The following FAF1 variants were observed in gnomAD, a reference collection of about 807,000 sequenced individuals.
The protein encoded by FAF1 is FAS-associated factor 1.
Under a neutral mutation model 92.5 loss-of-function variants are expected in FAF1, and 25 were observed. The ratio of observed to expected loss-of-function variants is 0.27; its 90% confidence interval spans 0.20 to 0.38. FAF1 has a LOEUF of 0.38. FAF1 is among the 10% of genes least tolerant of loss of function. The probability of loss-of-function intolerance (pLI) is 1.00; values close to 1 mark genes in which losing one functional copy is unlikely to be tolerated. For missense variants in FAF1, 636 were observed against 793.3 expected (o/e 0.80, Z 2.38); for synonymous variants, 234 against 273.2 (o/e 0.86, Z 1.42).
chr1:50,888,151 G>C (rs985972880), intron 1 of FAF1, among the ~76,000 whole-genome samples: 15 of 152,182 alleles, frequency 9.9e-5, no homozygotes, highest in Non-Finnish European at 1.8e-4. Context: ...TTGTGAATGG[G>C]AGTTCACTCA....
chr1:50,549,555 G>A (rs1250363607), intron 13 of FAF1, among the ~76,000 whole-genome samples: 7 of 151,826 alleles, frequency 4.6e-5, no homozygotes, highest in Non-Finnish European at 7.4e-5. Context: ...TGAGGTGGGC[G>A]GACCACGAGG....
chr1:50,684,659 T>A (rs556387407), intron 7 of FAF1, among the ~76,000 whole-genome samples: 1 of 152,286 alleles, frequency 6.6e-6, no homozygotes, highest in East Asian at 1.9e-4. Context: ...CTTTGTCAGA[T>A]TCACAAAATT....
chr1:50,610,658 ACTG>A (rs1205587906), intron 8 of FAF1, among the ~76,000 whole-genome samples: 2 of 152,154 alleles, frequency 1.3e-5, no homozygotes, highest in Non-Finnish European at 2.9e-5. Flanking sequence ...TGAGATAATT[ACTG>A]CTGACAGCTT....
intron 9 of FAF1, among the ~76,000 whole-genome samples, chr1:50,592,001 G>A (rs1572855254): frequency 6.6e-6 from 1 of 151,738 alleles, no homozygotes; most frequent in East Asian, 1.9e-4. Flanking sequence ...TAACTATTCT[G>A]TGTCTGTTAC....
chr1:50,701,357 C>T (rs761977566), intron 7 of FAF1, among the ~76,000 whole-genome samples: 1 of 151,682 alleles, frequency 6.6e-6, no homozygotes, highest in Non-Finnish European at 1.5e-5. Flanking sequence ...AGTTCTGTGC[C>T]AGCAACCCCA....
chr1:50,677,108 A>C (rs1458203101), intron 7 of FAF1, among the ~76,000 whole-genome samples: 1 of 152,238 alleles, frequency 6.6e-6, no homozygotes, highest in East Asian at 1.9e-4. Context: ...CAGAAAGAAT[A>C]ATATTATTAA....
At chr1:50,790,137 T>C (rs578035269) in intron 3 of FAF1, among the ~76,000 whole-genome samples, 1 of 152,190 alleles carries the variant, frequency 6.6e-6, no homozygotes, top group Admixed American at 6.5e-5. Context: ...ATAAAGCTCT[T>C]ATTTGTATGT....
At chr1:50,602,888 T>C (rs1572862606) in intron 8 of FAF1, among the ~76,000 whole-genome samples, 1 of 152,280 alleles carries the variant, frequency 6.6e-6, no homozygotes, top group East Asian at 1.9e-4. Flanking sequence ...ACTGCTACTA[T>C]TAAGAGCTCA....
At chr1:50,565,692 C>T (rs1283786769) in intron 13 of FAF1, among the ~76,000 whole-genome samples, 3 of 152,036 alleles carry the variant, frequency 2.0e-5, no homozygotes, top group Non-Finnish European at 2.9e-5. Flanking sequence ...AAAGAAACTA[C>T]ACTGCAATTT....
chr1:50,722,497 A>G (rs984196220), intron 6 of FAF1, among the ~76,000 whole-genome samples: 5 of 151,972 alleles, frequency 3.3e-5, no homozygotes, highest in African/African-American at 1.2e-4. Flanking sequence ...AAATACAAAA[A>G]CATTAGCCAG....
chr1:50,809,288 T>C (rs1662327964), intron 2 of FAF1, among the ~76,000 whole-genome samples: 1 of 149,870 alleles, frequency 6.7e-6, no homozygotes, highest in Non-Finnish European at 1.5e-5. Flanking sequence ...AACTGAGACA[T>C]GAAAACAGCA....
At position 50,476,794 on chromosome 1, in the gene FAF1, T is replaced by TG. The variant is rs137863218; in HGVS notation, c.1654-1116dup. ...GGTAATAAAAAAATTTAAAAGCTAG[T>TG]GAAAAAAAACCAATAAAATAAGTGG... On this transcript the variant is annotated intron_variant, in intron 17 of 18. Transcript: ENST00000396153. 9.2e-3 allele frequency among the ~76,000 whole-genome samples: 1,392 copies of TG among 151,510 alleles called. 19 individuals are homozygous for TG. The highest frequency in any genetic ancestry group is 0.032 in the African/African-American group (1,340 of 41,248).
intron 8 of FAF1, among the ~76,000 whole-genome samples, chr1:50,602,668 A>G (rs1297736136): frequency 6.6e-6 from 1 of 151,806 alleles, no homozygotes; most frequent in Non-Finnish European, 1.5e-5. Context: ...AAGTCCGGCT[A>G]ATTTTTGTAT....
intron 12 of FAF1, among the ~76,000 whole-genome samples, chr1:50,568,754 G>GT (rs912007940): frequency 4.6e-5 from 7 of 152,114 alleles, no homozygotes; most frequent in Non-Finnish European, 8.8e-5. Flanking sequence ...CCAAGTAAGT[G>GT]TTTTTTCTCT....
At chr1:50,918,137 C>T (rs893235808) in intron 1 of FAF1, among the ~76,000 whole-genome samples, 1 of 151,156 alleles carries the variant, frequency 6.6e-6, no homozygotes, top group African/African-American at 2.4e-5. Context: ...ATCAAATTGT[C>T]CACTTACAAA....
chr1:50,717,413 C>A (rs1658223040), intron 6 of FAF1, among the ~76,000 whole-genome samples: 2 of 152,078 alleles, frequency 1.3e-5, no homozygotes, highest in Admixed American at 1.3e-4. Context: ...GGTGACAAAG[C>A]CAGGATGAGG....
rs1002310586 is a variant in FAF1 at position 50,801,503 on chromosome 1, G to C, written c.161+128C>G. 6 of 519,262 alleles carry C rather than the reference G, an allele frequency of 1.2e-5. No individual in the cohort carries two copies. The Admixed American group carries it at 1.7e-4, about 15-fold the overall frequency. The allele number at this position is 519,262 out of a possible 1,614,324, so 32.2% of individuals were successfully genotyped here. On this transcript the variant is annotated intron_variant, in intron 3 of 18. Coordinates refer to ENST00000396153, the MANE Select transcript of FAF1 (RefSeq NM_007051.3). Reference sequence around the variant, plus strand: ...ATATAACACATAGAAATATCTGAAAGAACAATGTTAATGAACTTATATACC... The same window carrying C: ...ATATAACACATAGAAATATCTGAAACAACAATGTTAATGAACTTATATACC...
intron 9 of FAF1, among the ~76,000 whole-genome samples, chr1:50,588,893 A>T (rs931126890): frequency 1.3e-5 from 2 of 152,208 alleles, no homozygotes; most frequent in Non-Finnish European, 2.9e-5. Context: ...GCACTGGGGT[A>T]AGTGCTGGAG....
chr1:50,751,943 T>G (rs1055115756), intron 4 of FAF1, among the ~76,000 whole-genome samples: 8 of 152,214 alleles, frequency 5.3e-5, no homozygotes, highest in Non-Finnish European at 4.4e-5. Context: ...ATCTAGCGTT[T>G]CAGGTTTTCT....
Sources: allele counts gnomAD v4.1 joint callset (sites outside exome capture counted in the v4.1 genomes callset), GRCh38; gene constraint gnomAD v4.1.1; transcripts MANE v1.5; gene names NCBI Gene and HGNC (gene_info 2026-07-23, HGNC 2026-07-21).